NRG3: variants seen among roughly 807,000 people sequenced by gnomAD.
The protein encoded by NRG3 is pro-neuregulin-3, membrane-bound isoform.
Under a neutral mutation model 66.9 loss-of-function variants are expected in NRG3, and 31 were observed. That is an observed-to-expected ratio of 0.46 (90% CI 0.35 to 0.63). The LOEUF is 0.63. Among genes scored for constraint, NRG3 ranks in the 20% least tolerant of loss-of-function variants. NRG3 has a pLI of 0.00. For synonymous variants in NRG3, 393 were observed against 359.4 expected (o/e 1.09, Z -1.06); for missense variants, 910 against 878.9 (o/e 1.04, Z -0.45).
chr10:82,422,977 C>A lies in NRG3; in HGVS notation c.953+64109C>A, dbSNP rs77567177. ...CCTAAATACATTTTCCTTTCTGTTA[C>A]TTACCCCATATAGTTTTGCAACATT... On this transcript the variant is annotated intron_variant, in intron 2 of 8. Transcript: ENST00000372141. Among the ~76,000 whole-genome samples, 799 of 152,012 alleles carry A rather than the reference C, an allele frequency of 5.3e-3. 7 individuals are homozygous for A. The highest frequency in any genetic ancestry group is 0.019 in the African/African-American group (777 of 41,520).
chr10:82,948,398 C>G (rs1592058526), intron 4 of NRG3, among the ~76,000 whole-genome samples: 1 of 152,068 alleles, frequency 6.6e-6, no homozygotes, highest in Admixed American at 6.5e-5. Context: ...GTTTTGGCTA[C>G]TGTAGATCTT....
At position 82,752,606 on chromosome 10, in the gene NRG3, G is replaced by C. The variant is rs369418639; in HGVS notation, c.1027+13956G>C. On this transcript the variant is annotated intron_variant, in intron 3 of 8. Transcript: ENST00000372141. The stretch of plus-strand genomic sequence containing the variant: ...TCATTGCATATAGCATAATATGACT[G>C]CTATGGTCTGAATGTTAATGTTCCC... 2.6e-5 allele frequency among the ~76,000 whole-genome samples: 4 copies of C among 152,044 alleles called. No individual in the cohort carries two copies. In the South Asian group the frequency reaches 8.3e-4, roughly 32 times the overall value.
intron 2 of NRG3, among the ~76,000 whole-genome samples, chr10:82,671,032 C>A (rs564442487): frequency 8.5e-5 from 13 of 152,174 alleles, no homozygotes; most frequent in Non-Finnish European, 1.9e-4. Context: ...TTCCAACCTT[C>A]CCCCTTAGGT....
chr10:82,799,987 A>G (rs2060969115), intron 3 of NRG3: 1 of 152,212 alleles, frequency 6.6e-6, no homozygotes, highest in Non-Finnish European at 1.5e-5. Flanking sequence ...TGGACCCGCC[A>G]TGATACACCC....
intron 1 of NRG3, among the ~76,000 whole-genome samples, chr10:82,283,731 G>A (rs975227252): frequency 6.6e-6 from 1 of 152,124 alleles, no homozygotes; most frequent in Non-Finnish European, 1.5e-5. Context: ...CATGGAAGTA[G>A]CCTGTTGTGT....
chr10:82,335,765 T>C (rs548959994), intron 1 of NRG3, among the ~76,000 whole-genome samples: 3 of 152,172 alleles, frequency 2.0e-5, no homozygotes, highest in Non-Finnish European at 4.4e-5. Context: ...AATACCCTAG[T>C]GGTTAATTTG....
intron 3 of NRG3, among the ~76,000 whole-genome samples, chr10:82,864,214 G>T (rs2064298911): frequency 6.6e-6 from 1 of 152,138 alleles, no homozygotes; most frequent in East Asian, 1.9e-4. Flanking sequence ...GTTAACAAAA[G>T]TAATGGCAAA....
At chr10:82,589,704 C>T (rs1225088057) in intron 2 of NRG3, among the ~76,000 whole-genome samples, 1 of 152,168 alleles carries the variant, frequency 6.6e-6, no homozygotes, top group Non-Finnish European at 1.5e-5. Context: ...GCTTAGAATA[C>T]AATGAATCAG....
At chr10:82,269,956 A>T (rs1053845736) in intron 1 of NRG3, among the ~76,000 whole-genome samples, 1 of 152,180 alleles carries the variant, frequency 6.6e-6, no homozygotes, top group Non-Finnish European at 1.5e-5. Context: ...GCAAACTTAC[A>T]TGAAGTCTCT....
chr10:82,430,948 T>A (rs2089766030), intron 2 of NRG3, among the ~76,000 whole-genome samples: 1 of 152,192 alleles, frequency 6.6e-6, no homozygotes, highest in Admixed American at 6.5e-5. Context: ...TGAGATGTTA[T>A]GACATTTTCA....
intron 1 of NRG3, among the ~76,000 whole-genome samples, chr10:82,205,404 T>G (rs1236558098): frequency 1.3e-5 from 2 of 152,170 alleles, no homozygotes; most frequent in Non-Finnish European, 2.9e-5. Flanking sequence ...GAGAGATGTT[T>G]CATGGAGAAA....
intron 2 of NRG3, among the ~76,000 whole-genome samples, chr10:82,611,281 A>T (rs922012978): frequency 4.6e-4 from 70 of 151,278 alleles, no homozygotes; most frequent in Non-Finnish European, 8.4e-4. Flanking sequence ...TATTTATTTT[A>T]TTATACTTTA....
chr10:81,926,390 G>C (rs1272375147), intron 1 of NRG3, among the ~76,000 whole-genome samples: 1 of 151,998 alleles, frequency 6.6e-6, no homozygotes, highest in African/African-American at 2.4e-5. Flanking sequence ...CAAATTGCTG[G>C]GATTATAGGT....
intron 2 of NRG3, among the ~76,000 whole-genome samples, chr10:82,659,275 A>G (rs2052121989): frequency 6.6e-6 from 1 of 152,252 alleles, no homozygotes; most frequent in Non-Finnish European, 1.5e-5. Context: ...CTGGAGAAAT[A>G]CTTGTCTGGA....
intron 2 of NRG3, among the ~76,000 whole-genome samples, chr10:82,474,199 G>A (rs1366367600): frequency 6.6e-6 from 1 of 151,736 alleles, no homozygotes; most frequent in Non-Finnish European, 1.5e-5. Flanking sequence ...AGAGATCAGA[G>A]ATATACAAAG....
intron 2 of NRG3, among the ~76,000 whole-genome samples, chr10:82,406,781 G>A (rs922305418): frequency 9.9e-5 from 15 of 152,002 alleles, no homozygotes; most frequent in Admixed American, 3.9e-4. Flanking sequence ...GGAGCTTGTT[G>A]ACTTAGAAAC....
chr10:82,691,642 TTC>T (rs1172657488), intron 2 of NRG3, among the ~76,000 whole-genome samples: 1 of 152,212 alleles, frequency 6.6e-6, no homozygotes, highest in African/African-American at 2.4e-5. Flanking sequence ...CTCCATTTTA[TTC>T]TCTCTTTAAT....
At position 81,979,913 on chromosome 10, in the gene NRG3, C is replaced by T. The variant is rs543289610; in HGVS notation, c.823+103750C>T. On this transcript the variant is annotated intron_variant, in intron 1 of 8. Transcript: ENST00000372141. ...TCTGTGTATTTTACAAACTGGCCACCCAAGTTCAGAGTGAATATAGGAACA... is the reference window on the plus strand; with the variant it reads ...TCTGTGTATTTTACAAACTGGCCACTCAAGTTCAGAGTGAATATAGGAACA... 1.2e-4 allele frequency among the ~76,000 whole-genome samples: 18 copies of T among 152,270 alleles called. No homozygotes were observed. The South Asian group carries it at 3.7e-3, about 32-fold the overall frequency.
chr10:82,324,902 C>G (rs752144309), intron 1 of NRG3, among the ~76,000 whole-genome samples: 7 of 152,116 alleles, frequency 4.6e-5, no homozygotes, highest in Non-Finnish European at 7.4e-5. Context: ...ATGGAGTGTA[C>G]TATAACTGAA....
Sources: allele counts gnomAD v4.1 joint callset (sites outside exome capture counted in the v4.1 genomes callset), GRCh38; gene constraint gnomAD v4.1.1; transcripts MANE v1.5; gene names NCBI Gene and HGNC (gene_info 2026-07-23, HGNC 2026-07-21).